Variants in DTWD2 observed in about 807,000 individuals in gnomAD.
The protein encoded by DTWD2 is tRNA-uridine aminocarboxypropyltransferase 2.
DTWD2 carries 39 observed loss-of-function variants against 31.8 expected under a neutral mutation model. The observed-to-expected ratio is 1.22, with a 90% confidence interval of 0.95 to 1.60. DTWD2 has a LOEUF of 1.60. Among genes scored for constraint, DTWD2 ranks in the 40% most tolerant of loss-of-function variants. The pLI is 0.00. For synonymous variants in DTWD2, 180 were observed against 142.8 expected, an observed-to-expected ratio of 1.26 and a Z score of -1.86; for missense variants, 515 against 381.5, an observed-to-expected ratio of 1.35 and a Z score of -2.92.
chr5:118,977,604 A>C (rs1755194914), intron 1 of DTWD2, among the ~76,000 whole-genome samples: 1 of 152,322 alleles, frequency 6.6e-6, no homozygotes, highest in Middle Eastern at 3.4e-3. Context: ...CAAAGAGAAT[A>C]AAATGCCTAG....
chr5:118,966,728 C>T (rs1250322196), intron 1 of DTWD2, among the ~76,000 whole-genome samples: 1 of 152,020 alleles, frequency 6.6e-6, no homozygotes. Flanking sequence ...TCCATAATTA[C>T]AAATTAAAAG....
chr5:118,943,094 G>A (rs552828591), intron 2 of DTWD2, among the ~76,000 whole-genome samples: 11 of 152,048 alleles, frequency 7.2e-5, no homozygotes, highest in Admixed American at 2.0e-4. Context: ...ATAAGCCACC[G>A]CTCCCAGCCT....
chr5:118,950,805 A>G (rs756570614), intron 1 of DTWD2, among the ~76,000 whole-genome samples: 16 of 152,168 alleles, frequency 1.1e-4, no homozygotes, highest in African/African-American at 1.4e-4. Context: ...TCAGAAATAC[A>G]TTGCTGCTTG....
chr5:118,964,082 C>A (rs560932287), intron 1 of DTWD2, among the ~76,000 whole-genome samples: 3 of 151,916 alleles, frequency 2.0e-5, no homozygotes, highest in Admixed American at 2.0e-4. Context: ...TGGTGGCTCA[C>A]GCTTGTAATT....
intron 4 of DTWD2, among the ~76,000 whole-genome samples, chr5:118,914,953 T>G (rs748359452): frequency 6.6e-6 from 1 of 152,154 alleles, no homozygotes; most frequent in Non-Finnish European, 1.5e-5. Context: ...AAATTTAATT[T>G]TTCTGGCTCA....
chr5:118,844,569 T>C (rs540079524), intron 5 of DTWD2, among the ~76,000 whole-genome samples: 2 of 152,346 alleles, frequency 1.3e-5, no homozygotes, highest in South Asian at 4.1e-4. Context: ...CTTGAAATAC[T>C]ATGAGGTAAC....
chr5:118,900,924 C>CA (rs538787473), intron 4 of DTWD2, among the ~76,000 whole-genome samples: 904 of 72,712 alleles, frequency 0.012, 13 homozygotes, highest in African/African-American at 0.039. Context: ...GACTGCGTCT[C>CA]AAAAAAAAAA....
chr5:118,852,143 A>G (rs985881706), intron 4 of DTWD2, among the ~76,000 whole-genome samples: 1 of 152,210 alleles, frequency 6.6e-6, no homozygotes, highest in Non-Finnish European at 1.5e-5. Flanking sequence ...CTGCAAGAAG[A>G]AAAATATGGC....
At chr5:118,968,956 G>A (rs1437414311) in intron 1 of DTWD2, among the ~76,000 whole-genome samples, 4 of 152,214 alleles carry the variant, frequency 2.6e-5, no homozygotes, top group African/African-American at 7.2e-5. Flanking sequence ...TGGGAGTGGG[G>A]GCAGCTGCCA....
At chr5:118,913,428 T>C (rs1030316017) in intron 4 of DTWD2, among the ~76,000 whole-genome samples, 1 of 132,702 alleles carries the variant, frequency 7.5e-6, no homozygotes, top group Non-Finnish European at 1.6e-5. Context: ...TAGATATATA[T>C]ATATACACAC....
At chr5:118,849,358 T>C (rs1350320335) in intron 4 of DTWD2, among the ~76,000 whole-genome samples, 3 of 152,138 alleles carry the variant, frequency 2.0e-5, no homozygotes, top group Non-Finnish European at 2.9e-5. Context: ...ATGGTGATCA[T>C]TAAAAAGTCA....
At chr5:118,926,102 T>C (rs1753802626) in intron 4 of DTWD2, among the ~76,000 whole-genome samples, 3 of 152,096 alleles carry the variant, frequency 2.0e-5, no homozygotes, top group South Asian at 2.1e-4. Flanking sequence ...TGCGCAGGCA[T>C]GTTTATAGCA....
At chr5:118,843,302 A>C (rs1207111890) in intron 5 of DTWD2, among the ~76,000 whole-genome samples, 1 of 148,386 alleles carries the variant, frequency 6.7e-6, no homozygotes, top group Non-Finnish European at 1.5e-5. Context: ...AGGGAAAGGA[A>C]GGGAAAGGGA....
intron 1 of DTWD2, among the ~76,000 whole-genome samples, chr5:118,954,482 T>C (rs1378551701): frequency 6.6e-6 from 1 of 152,174 alleles, no homozygotes; most frequent in East Asian, 1.9e-4. Context: ...CCTGGCATAG[T>C]AGGTGCTCAA....
At chr5:118,890,322 T>C (rs1354800522) in intron 4 of DTWD2, among the ~76,000 whole-genome samples, 2 of 152,218 alleles carry the variant, frequency 1.3e-5, no homozygotes, top group African/African-American at 4.8e-5. Context: ...GTCTTATATA[T>C]ACTTCAGTAA....
chr5:118,892,276 T>G (rs1316156605), intron 4 of DTWD2, among the ~76,000 whole-genome samples: 1 of 152,136 alleles, frequency 6.6e-6, no homozygotes, highest in Non-Finnish European at 1.5e-5. Flanking sequence ...TACCTCAAAT[T>G]TTACAATAAG....
intron 4 of DTWD2, among the ~76,000 whole-genome samples, chr5:118,875,390 TA>T (rs911025883): frequency 2.0e-5 from 3 of 151,884 alleles, no homozygotes; most frequent in Admixed American, 1.3e-4. Context: ...AATGCCCCAA[TA>T]AAAAGACACA....
chr5:118,966,950 G>C (rs1301390511), intron 1 of DTWD2, among the ~76,000 whole-genome samples: 1 of 151,010 alleles, frequency 6.6e-6, no homozygotes, highest in Non-Finnish European at 1.5e-5. Context: ...AGAATCTCTT[G>C]AACCTGGGAG....
chr5:118,965,537 G>T (rs958669417), intron 1 of DTWD2, among the ~76,000 whole-genome samples: 2 of 152,232 alleles, frequency 1.3e-5, no homozygotes, highest in African/African-American at 4.8e-5. Context: ...TGTCTGTGTA[G>T]AAAGAAGTAG....
Sources: allele counts gnomAD v4.1 joint callset (sites outside exome capture counted in the v4.1 genomes callset), GRCh38; gene constraint gnomAD v4.1.1; transcripts MANE v1.5; gene names NCBI Gene and HGNC (gene_info 2026-07-23, HGNC 2026-07-21).